The following LAMA5 variants were observed in gnomAD, a reference collection of about 807,000 sequenced individuals.
LAMA5 encodes the protein laminin subunit alpha 5.
In LAMA5, 260 loss-of-function variants were observed where a neutral mutation model predicts 433.4. The observed-to-expected ratio is 0.60, with a 90% CI of 0.54 to 0.66. LAMA5 has a LOEUF of 0.66. Among genes scored for constraint, LAMA5 ranks in the 30% least tolerant of loss-of-function variants. LAMA5 has a pLI of 0.00. For missense variants in LAMA5, 5,378 were observed against 5,258.5 expected, an observed-to-expected ratio of 1.02 and a Z score of -0.70; for synonymous variants, 2,620 against 2,226.6, an observed-to-expected ratio of 1.18 and a Z score of -4.97.
chr20:62,312,508 T>A lies in LAMA5; in HGVS notation c.9252A>T (p.Gly3084=). The A allele has an allele frequency of 6.3e-7, 1 of 1,598,910 alleles. No individual in the cohort carries two copies. The highest frequency in any genetic ancestry group is 8.5e-7 in the Non-Finnish European group (1 of 1,179,654). ...PPSLRRLFPT[G]GSVRGCVKGI... ...CTTTGACGCAGCCACGGACTGAGCC[T>A]CCGGTGGGGAAGAGCCGTCGCAGGC... The change falls in exon 68 of 80, where the codon GGA becomes GGT. Residue 3084 remains glycine (G), a synonymous_variant. Transcript: ENST00000252999.
Position 62,323,582 on chromosome 20 carries a change from G to A in LAMA5, c.5938C>T (p.Leu1980Phe). The A allele has an allele frequency of 6.2e-7, 1 of 1,609,642 alleles. No individual in the cohort carries two copies. The highest frequency in any genetic ancestry group is 8.5e-7 in the Non-Finnish European group (1 of 1,178,982). The change falls in exon 45 of 80, where the codon CTC becomes TTC. Residue 1980 changes from leucine to phenylalanine, a missense_variant. Leu to Phe is a conservative substitution (Grantham distance 22). Coordinates refer to ENST00000252999, the MANE Select transcript of LAMA5 (RefSeq NM_005560.6). ...DCSGNGDPNLLFSDCDPLTGA... is the reference protein window; with the variant it reads ...DCSGNGDPNLFFSDCDPLTGA... ...GTCAGGGGGTCGCAGTCGCTGAAGA[G>A]CAAGTTGGGGTCACCGTTGCCGCTG...
chr20:62,351,862 T>G, intron 5 of LAMA5, 47 bp downstream of exon 5: 7 of 1,576,552 alleles, frequency 4.4e-6, no homozygotes, highest in Non-Finnish European at 6.0e-6. Flanking sequence ...GAGTCCCGGG[T>G]CCACCCGGCC....
intron 79 of LAMA5, 102 bp downstream of exon 79, chr20:62,309,614 T>TGGAGGGGTGGGGGGG (rs1985920445): frequency 1.2e-5 from 4 of 337,102 alleles, no homozygotes; most frequent in South Asian, 3.1e-5. Flanking sequence ...GGGAGGAGGG[T>TGGAGGGGTGGGGGGG]GGGAGGGGGC....
intron 18 of LAMA5, 146 bp from the exon 19 acceptor site, chr20:62,335,415 C>T (rs891828519): frequency 5.5e-6 from 4 of 723,208 alleles, no homozygotes; most frequent in African/African-American, 5.4e-5. Context: ...CCCTGACACT[C>T]CCTCTAGGAT....
At chr20:62,350,638 C>A (rs1050171896) in intron 6 of LAMA5, among the ~76,000 whole-genome samples, 3 of 152,182 alleles carry the variant, frequency 2.0e-5, no homozygotes, top group African/African-American at 7.2e-5. Context: ...CTAGATGAGC[C>A]CTGCCAGCTC....
At chr20:62,345,531 G>C (rs778787370) in intron 11 of LAMA5, 1 of 547,484 alleles carries the variant, frequency 1.8e-6, no homozygotes, top group South Asian at 1.7e-5. Flanking sequence ...CTCAGCCTCC[G>C]GAGTAGCTCG....
intron 2 of LAMA5, chr20:62,355,565 G>C (rs1985062557): frequency 6.6e-6 from 1 of 152,308 alleles, no homozygotes; most frequent in Non-Finnish European, 1.5e-5. Context: ...GGGACTGTGG[G>C]AGCCAAGCGC....
intron 38 of LAMA5, 54 bp downstream of exon 38, chr20:62,327,179 C>A: frequency 1.4e-6 from 2 of 1,438,144 alleles, no homozygotes; most frequent in East Asian, 4.9e-5. Context: ...CCAACCCTCT[C>A]AGGCGTCCTG....
chr20:62,347,123 G>A lies in LAMA5; in HGVS notation c.957-95C>T, dbSNP rs529482879. 302 of 930,732 alleles carry A rather than the reference G, an allele frequency of 3.2e-4. 1 individual carries two copies. The highest frequency in any genetic ancestry group is 7.4e-5 in the Non-Finnish European group (45 of 606,496). 57.7% of individuals were successfully genotyped at this position (930,732 alleles called of 1,614,324 possible). On this transcript the variant is annotated intron_variant, in intron 6 of 79. Coordinates refer to ENST00000252999, the MANE Select transcript of LAMA5 (RefSeq NM_005560.6). ...TGAAGGGGCCTGTGATCCCCTCGAT[G>A]GCTTGGCTTGCCACATGGACACGGC...
In LAMA5 at chr20:62,334,011, G is replaced by A; in HGVS notation, c.2768C>T (p.Thr923Ile). 1 of 1,612,988 alleles carries A rather than the reference G, an allele frequency of 6.2e-7. No homozygotes were observed. The highest frequency in any genetic ancestry group is 8.5e-7 in the Non-Finnish European group (1 of 1,179,842). Residue 923 changes from threonine to isoleucine, a missense_variant, in exon 23 of 80, where the codon ACC becomes ATC. By Grantham distance (89) the Thr-to-Ile change is moderately conservative. Coordinates refer to ENST00000252999, the MANE Select transcript of LAMA5 (RefSeq NM_005560.6). The stretch of plus-strand genomic sequence containing the variant: ...GACGAGCCAGAAAAGGTCAGGGGAG[G>A]TCAGGTTCAGCCTGGCCACGATCCT... ...QPRIVARLNL[T>I]SPDLFWLVFR...
Position 62,311,118 on chromosome 20 carries a change from C to T in LAMA5, c.10089-24G>A, listed in dbSNP as rs1227607272. ...GCCTGGAAGCGGAGCTGGCGTCAGCCTGCGCGGCCCCTCTCAGCCCACCCC... is the reference window on the plus strand; with the variant it reads ...GCCTGGAAGCGGAGCTGGCGTCAGCTTGCGCGGCCCCTCTCAGCCCACCCC... On this transcript the variant is annotated intron_variant, in intron 73 of 79. Coordinates refer to ENST00000252999, the MANE Select transcript of LAMA5 (RefSeq NM_005560.6). The T allele has an allele frequency of 1.9e-6, 3 of 1,562,486 alleles. No individual in the cohort carries two copies. The African/African-American group carries it at 4.1e-5, about 21-fold the overall frequency.
At chr20:62,337,349 G>A (rs897020301) in intron 16 of LAMA5, among the ~76,000 whole-genome samples, 15 of 152,176 alleles carry the variant, frequency 9.9e-5, no homozygotes, top group African/African-American at 3.6e-4. Context: ...CACACAGAAC[G>A]CAACACATGC....
intron 24 of LAMA5, 22 bp downstream of exon 24, chr20:62,333,542 C>T (rs1368691689): frequency 1.3e-6 from 2 of 1,567,910 alleles, no homozygotes; most frequent in Non-Finnish European, 1.7e-6. Context: ...GCCCCCAGCC[C>T]TCACTCTGGC....
chr20:62,345,642 G>A (rs573451545), intron 11 of LAMA5, 176 bp downstream of exon 11: 11 of 649,660 alleles, frequency 1.7e-5, no homozygotes, highest in East Asian at 8.2e-5. Context: ...TTGGCTTTAT[G>A]CTGACCTATA....
At position 62,326,922 on chromosome 20, in the gene LAMA5, C is replaced by G; in HGVS notation, c.5157G>C (p.Glu1719Asp). 6.2e-7 allele frequency: 1 copy of G among 1,612,378 alleles called. No homozygotes were observed. Among genetic ancestry groups the G allele is most frequent in the East Asian group, 2.2e-5 (1 of 44,848 alleles). The change falls in exon 39 of 80, where the codon GAG (glutamate) becomes GAC (aspartate). Residue 1719 changes from glutamate to aspartate, a missense_variant. Glu to Asp is a conservative substitution (Grantham distance 45). Transcript: ENST00000252999. ...GGTLRYELHS[E>D]TQRGDVFVPM... ...GGACAAAGACATCTCCCCGCTGGGT[C>G]TCTGAGTGCAGTTCATAACGGAGGG... is the stretch of plus-strand genomic sequence containing the variant.
intron 57 of LAMA5, chr20:62,316,418 G>A (rs1269310548): frequency 1.9e-6 from 1 of 525,888 alleles, no homozygotes. Context: ...CTCTTGCCCT[G>A]TGCCCTGTGG....
intron 1 of LAMA5, among the ~76,000 whole-genome samples, chr20:62,363,443 G>A (rs1986380472): frequency 1.3e-5 from 2 of 152,170 alleles, no homozygotes; most frequent in Admixed American, 1.3e-4. Flanking sequence ...CCTGCCATCT[G>A]CTGGGGGCCT....
In LAMA5 at chr20:62,311,870, G is replaced by A. The variant is rs73144978; in HGVS notation, c.9635+50C>T. The A allele has an allele frequency of 2.9e-3, 4,535 of 1,573,968 alleles. 29 individuals are homozygous for A. Among genetic ancestry groups the A allele is most frequent in the South Asian group, 0.017 (1,478 of 84,854 alleles). ...GAGACAGAGGTCCAGGCAAGTGCAG[G>A]CGGGCGTCCCTCCAGACCTTCACGA... On this transcript the variant is annotated intron_variant, in intron 70 of 79. Transcript: ENST00000252999.
Position 62,317,172 on chromosome 20 carries a change from T to G in LAMA5, c.7512-149A>C, listed in dbSNP as rs144834417. 6.4e-5 allele frequency: 76 copies of G among 1,181,196 alleles called. No individual in the cohort carries two copies. The African/African-American group carries it at 1.1e-3, about 18-fold the overall frequency. 73.2% of individuals were successfully genotyped at this position (1,181,196 alleles called of 1,614,324 possible). A position where few individuals can be genotyped will look rare whatever the true frequency, so the allele number is the denominator to read the frequency against. ...TTGCCCGTGCCTGTCGCCTGCTGGG[T>G]GTACTGCTCCTGTCACTCTGGGCCC... On this transcript the variant is annotated intron_variant, in intron 55 of 79. Coordinates refer to ENST00000252999, the MANE Select transcript of LAMA5 (RefSeq NM_005560.6).
Sources: gnomAD v4.1 joint callset for allele counts (sites outside exome capture counted in the v4.1 genomes callset) on GRCh38, gnomAD v4.1.1 for gene constraint, MANE v1.5 for transcripts, NCBI Gene and HGNC (gene_info 2026-07-23, HGNC 2026-07-21) for gene names.